Variants in DCLK1 observed in about 807,000 individuals in gnomAD.
DCLK1 encodes the protein serine/threonine-protein kinase DCLK1.
DCLK1 carries 16 observed loss-of-function variants against 86.2 expected under a neutral mutation model. That is an observed-to-expected ratio of 0.19 (90% CI 0.13 to 0.28). The LOEUF is 0.28. Among genes scored for constraint, DCLK1 ranks in the 10% least tolerant of loss-of-function variants. DCLK1 has a pLI of 1.00. For missense variants in DCLK1, 590 were observed against 940.2 expected, an observed-to-expected ratio of 0.63 and a Z score of 4.87; for synonymous variants, 369 against 370.5, an observed-to-expected ratio of 1.00 and a Z score of 0.05.
Position 36,034,093 on chromosome 13 carries a change from G to A in DCLK1, c.723+77776C>T, listed in dbSNP as rs137994570. Among the ~76,000 whole-genome samples the A allele has an allele frequency of 3.5e-3, 526 of 152,258 alleles. 2 individuals carry two copies. The highest frequency in any genetic ancestry group is 6.2e-3 in the Non-Finnish European group (425 of 68,018). On this transcript the variant is annotated intron_variant, in intron 3 of 16. Transcript: ENST00000360631. ...TCTTTGTCCAGGCCTGGCCAGTAGC[G>A]AACTGGGTACTTAGTTCAAAACTAA...
chr13:35,979,734 A>C (rs777315289), intron 3 of DCLK1, among the ~76,000 whole-genome samples: 143 of 152,166 alleles, frequency 9.4e-4, no homozygotes, highest in Non-Finnish European at 8.4e-4. Context: ...GAGAGCAGTG[A>C]GTTTTTGCAA....
intron 3 of DCLK1, among the ~76,000 whole-genome samples, chr13:36,044,496 G>T (rs1882805957): frequency 6.6e-6 from 1 of 152,122 alleles, no homozygotes; most frequent in Non-Finnish European, 1.5e-5. Flanking sequence ...AGTGTAATTG[G>T]TAGATCATCT....
At chr13:35,981,467 T>C (rs1879635993) in intron 3 of DCLK1, among the ~76,000 whole-genome samples, 1 of 152,140 alleles carries the variant, frequency 6.6e-6, no homozygotes, top group Admixed American at 6.5e-5. Flanking sequence ...TTGCTACAAC[T>C]GATGAACCTA....
At chr13:36,098,750 C>T (rs968679001) in intron 3 of DCLK1, among the ~76,000 whole-genome samples, 2 of 152,034 alleles carry the variant, frequency 1.3e-5, no homozygotes, top group African/African-American at 4.8e-5. Context: ...TTCCCTCTCA[C>T]GTTAACTGAT....
At chr13:35,785,595 A>C (rs9574593) in intron 16 of DCLK1, among the ~76,000 whole-genome samples, 20,208 of 152,176 alleles carry the variant, frequency 0.13, 1,582 homozygotes, top group East Asian at 0.38. Flanking sequence ...AATCACCAAA[A>C]AGCCAGTTAA....
chr13:36,001,203 C>G (rs1183809448), intron 3 of DCLK1, among the ~76,000 whole-genome samples: 1 of 152,188 alleles, frequency 6.6e-6, no homozygotes, highest in Non-Finnish European at 1.5e-5. Context: ...CCACTTCGGC[C>G]TCCCAAAGTG....
intron 3 of DCLK1, among the ~76,000 whole-genome samples, chr13:36,007,769 T>C (rs1881048094): frequency 6.6e-6 from 1 of 152,208 alleles, no homozygotes; most frequent in African/African-American, 2.4e-5. Context: ...AAGCCATTGC[T>C]GTCTTCAAAT....
At chr13:36,005,134 G>T (rs576826538) in intron 3 of DCLK1, among the ~76,000 whole-genome samples, 4 of 151,918 alleles carry the variant, frequency 2.6e-5, no homozygotes, top group Non-Finnish European at 5.9e-5. Context: ...GTCAAAAACC[G>T]CATTTACTTA....
rs183763264 is a variant in DCLK1 at position 35,843,437 on chromosome 13, A to G, written c.1036-4261T>C. 9.3e-4 allele frequency among the ~76,000 whole-genome samples: 141 copies of G among 152,310 alleles called. 2 individuals carry two copies. The highest frequency in any genetic ancestry group is 3.8e-4 in the Non-Finnish European group (26 of 68,034). Reference sequence around the variant, plus strand: ...GTAGCTATTGAGCTTGGGATCATATAACAGATGGAGAACATATCACACTTT... The same window carrying G: ...GTAGCTATTGAGCTTGGGATCATATGACAGATGGAGAACATATCACACTTT... On this transcript the variant is annotated intron_variant, in intron 6 of 16. Coordinates refer to ENST00000360631, the MANE Select transcript of DCLK1 (RefSeq NM_001330071.2).
chr13:35,958,255 C>CCAT (rs1593768754), intron 3 of DCLK1, among the ~76,000 whole-genome samples: 1 of 137,138 alleles, frequency 7.3e-6, no homozygotes, highest in African/African-American at 2.9e-5. Context: ...ACCACCACTA[C>CCAT]CACTACTATA....
chr13:35,984,565 C>G, intron 3 of DCLK1, among the ~76,000 whole-genome samples: 1 of 152,206 alleles, frequency 6.6e-6, no homozygotes, highest in East Asian at 1.9e-4. Context: ...ACTGCCTGAA[C>G]CGTCTGCCTC....
intron 3 of DCLK1, among the ~76,000 whole-genome samples, chr13:36,046,782 C>G (rs1186649592): frequency 2.0e-5 from 3 of 152,092 alleles, no homozygotes; most frequent in Non-Finnish European, 4.4e-5. Context: ...ACCAGAACAA[C>G]AGAATGAAAT....
At chr13:35,826,528 A>AG (rs1240409417) in intron 10 of DCLK1, among the ~76,000 whole-genome samples, 967 of 67,796 alleles carry the variant, frequency 0.014, 334 homozygotes, top group East Asian at 0.039. Flanking sequence ...CATCTCAAAA[A>AG]AAAAAAAAAA....
At chr13:36,032,308 A>T (rs551547776) in intron 3 of DCLK1, among the ~76,000 whole-genome samples, 1 of 151,630 alleles carries the variant, frequency 6.6e-6, no homozygotes, top group Non-Finnish European at 1.5e-5. Context: ...GGCCCGGCTA[A>T]TTTTTTGTAT....
chr13:35,823,757 ATC>A (rs2153105197), intron 10 of DCLK1, among the ~76,000 whole-genome samples: 1 of 152,090 alleles, frequency 6.6e-6, no homozygotes, highest in African/African-American at 2.4e-5. Context: ...AACTGTGATC[ATC>A]TGTTACCTAA....
intron 3 of DCLK1, among the ~76,000 whole-genome samples, chr13:35,999,262 A>C (rs541682072): frequency 6.6e-5 from 10 of 152,206 alleles, no homozygotes; most frequent in South Asian, 4.1e-4. Context: ...CTCAAACAAA[A>C]AAAAAAAATT....
At chr13:35,853,378 C>T (rs1014270980) in intron 6 of DCLK1, among the ~76,000 whole-genome samples, 6 of 152,170 alleles carry the variant, frequency 3.9e-5, no homozygotes, top group East Asian at 1.9e-4. Context: ...CTTCATCAAA[C>T]GCTCAAAACA....
intron 4 of DCLK1, among the ~76,000 whole-genome samples, chr13:35,886,455 A>G (rs1873255806): frequency 6.6e-6 from 1 of 152,212 alleles, no homozygotes; most frequent in South Asian, 2.1e-4. Flanking sequence ...GATTGCAGAA[A>G]TATCTACCCT....
chr13:35,913,638 C>T (rs1048727518), intron 4 of DCLK1, among the ~76,000 whole-genome samples: 23 of 152,116 alleles, frequency 1.5e-4, no homozygotes, highest in Admixed American at 1.5e-3. Context: ...TCTTAAAACT[C>T]TGACTATGCA....
Sources: allele counts gnomAD v4.1 joint callset (sites outside exome capture counted in the v4.1 genomes callset), GRCh38; gene constraint gnomAD v4.1.1; transcripts MANE v1.5; gene names NCBI Gene and HGNC (gene_info 2026-07-23, HGNC 2026-07-21).